FOSB: variants seen among roughly 807,000 people sequenced by gnomAD.
FOSB encodes FosB proto-oncogene, AP-1 transcription factor subunit, also known as protein FosB.
In FOSB, 8 loss-of-function variants were observed where a neutral mutation model predicts 31.1. The observed-to-expected ratio is 0.26, with a 90% CI of 0.15 to 0.46. The LOEUF (loss-of-function observed/expected upper bound fraction) is 0.46, where lower values mean the gene tolerates loss of function less well. FOSB is among the 20% of genes least tolerant of loss of function. The probability of loss-of-function intolerance (pLI) is 0.99; values close to 1 mark genes in which losing one functional copy is unlikely to be tolerated. For missense variants in FOSB, 376 were observed against 460.6 expected, an observed-to-expected ratio of 0.82 and a Z score of 1.68; for synonymous variants, 214 against 206.1, an observed-to-expected ratio of 1.04 and a Z score of -0.33.
At position 45,470,372 on chromosome 19, in the gene FOSB, C is replaced by G; in HGVS notation, c.127-257C>G. ...CCAACCCGGGGTGTGATTCACCACC[C>G]GCTGGAACCGTGCAACCTTTCCCCG... On this transcript the variant is annotated intron_variant, in intron 1 of 3. Transcript: ENST00000353609. 3.9e-6 allele frequency: 2 copies of G among 519,240 alleles called. 1 individual carries two copies. The allele number at this position is 519,240 out of a possible 1,614,324, so 32.2% of individuals were successfully genotyped here.
rs962620940 is a variant in FOSB at position 45,472,120 on chromosome 19, C to G, written c.556-431C>G. The G allele has an allele frequency of 6.4e-6, 1 of 155,092 alleles. No homozygotes were observed. The highest frequency in any genetic ancestry group is 6.5e-5 in the Admixed American group (1 of 15,362). 9.6% of individuals were successfully genotyped at this position (155,092 alleles called of 1,614,324 possible). A position where few individuals can be genotyped will look rare whatever the true frequency, so the allele number is the denominator to read the frequency against. ...GTGGTGCACACCACTGTGGTCCCAG[C>G]TACTATGGAGGCTTTAGTGGGAGGA... On this transcript the variant is annotated intron_variant, in intron 3 of 3. Transcript: ENST00000353609. The surrounding 1 kb of genome is among the most constrained non-coding windows in gnomAD (Gnocchi z 5.4).
In FOSB at chr19:45,472,812, C is replaced by T. The variant is rs761585649; in HGVS notation, c.817C>T (p.Pro273Ser). The T allele has an allele frequency of 1.2e-6, 2 of 1,614,000 alleles. No homozygotes were observed. Among genetic ancestry groups the T allele is most frequent in the South Asian group, 1.1e-5 (1 of 91,084 alleles). The change falls in exon 4 of 4, where the codon CCC (proline) becomes TCC (serine). Residue 273 changes from proline (P) to serine (S), a missense_variant. Around this residue, in one of 3 missense-constraint regions of FOSB, gnomAD observed 148 missense variants for 170.0 expected, o/e 0.87. Transcript: ENST00000353609. The surrounding 1 kb of genome is among the most constrained non-coding windows in gnomAD (Gnocchi z 5.4). The part of the protein sequence containing the change: ...PLPFQTSQDA[P>S]PNLTASLFTH... Reference sequence around the variant, plus strand: ...GCCCTTCCAGACCAGCCAAGACGCACCCCCCAACCTGACGGCTTCTCTCTT... The same window carrying T: ...GCCCTTCCAGACCAGCCAAGACGCATCCCCCAACCTGACGGCTTCTCTCTT...
Position 45,468,525 on chromosome 19 carries a change from C to T in FOSB, c.-62C>T. Reference sequence around the variant, plus strand: ...CTTGCACCTTACTTCCCCAACCCGGCCATAGCCTTGGCTTCCCGGCGACCT... The same window carrying T: ...CTTGCACCTTACTTCCCCAACCCGGTCATAGCCTTGGCTTCCCGGCGACCT... On this transcript the variant is annotated 5_prime_UTR_variant, in exon 1 of 4. Coordinates refer to ENST00000353609, the MANE Select transcript of FOSB (RefSeq NM_006732.3). The surrounding 1 kb of genome is among the most constrained non-coding windows in gnomAD (Gnocchi z 4.8). The T allele has an allele frequency of 1.9e-6, 3 of 1,553,920 alleles. No individual in the cohort carries two copies. The highest frequency in any genetic ancestry group is 2.3e-4 in the Middle Eastern group (1 of 4,388).
Sources: gnomAD v4.1 joint callset for allele counts on GRCh38, gnomAD v4.1.1 for gene constraint, gnomAD v4.1.1 regional missense constraint, Gnocchi (gnomAD v3.1) non-coding constraint, MANE v1.5 for transcripts, NCBI Gene and HGNC (gene_info 2026-07-23, HGNC 2026-07-21) for gene names.